The following TUT7 variants were observed in gnomAD, a reference collection of about 807,000 sequenced individuals.
The protein encoded by TUT7 is terminal uridylyl transferase 7.
Under a neutral mutation model 165.9 loss-of-function variants are expected in TUT7, and 33 were observed. That is an observed-to-expected ratio of 0.20 (90% CI 0.15 to 0.27). The LOEUF (loss-of-function observed/expected upper bound fraction) is 0.27. Among genes scored for constraint, TUT7 ranks in the 10% least tolerant of loss-of-function variants. TUT7 has a pLI of 1.00. For missense variants in TUT7, 1,338 were observed against 1,762.3 expected, an observed-to-expected ratio of 0.76 and a Z score of 4.31; for synonymous variants, 552 against 608.1, an observed-to-expected ratio of 0.91 and a Z score of 1.36.
chr9:86,313,865 G>GATC (rs1449142506), intron 17 of TUT7, among the ~76,000 whole-genome samples: 1 of 152,072 alleles, frequency 6.6e-6, no homozygotes, highest in East Asian at 1.9e-4. Context: ...GATACATAGT[G>GATC]ATCACATCAT....
At chr9:86,303,250 G>T (rs1827119798) in intron 24 of TUT7, 49 bp from the exon 25 acceptor site, 1 of 977,996 alleles carries the variant, frequency 1.0e-6, no homozygotes, top group Non-Finnish European at 1.5e-6. Context: ...CGTGAGATCG[G>T]AACACAAAAC....
intron 22 of TUT7, among the ~76,000 whole-genome samples, chr9:86,307,046 G>A (rs532590845): frequency 1.3e-5 from 2 of 152,106 alleles, no homozygotes; most frequent in African/African-American, 4.8e-5. Context: ...GAAGTGGGCC[G>A]GATCACCTGA....
intron 26 of TUT7, among the ~76,000 whole-genome samples, chr9:86,294,573 T>C (rs1450496679): frequency 1.9e-5 from 2 of 105,034 alleles, no homozygotes; most frequent in Non-Finnish European, 3.6e-5. Context: ...GGTTTTTCCA[T>C]TTTTATCAAC....
intron 10 of TUT7, among the ~76,000 whole-genome samples, chr9:86,330,340 G>A (rs902536886): frequency 5.3e-5 from 8 of 152,248 alleles, no homozygotes; most frequent in South Asian, 2.1e-4. Context: ...GATTACAGGC[G>A]TGAGCCACCA....
At position 86,311,712 on chromosome 9, in the gene TUT7, C is replaced by T. The variant is rs1184754706; in HGVS notation, c.3275-903G>A. Among the ~76,000 whole-genome samples the T allele has an allele frequency of 6.6e-6, 1 of 151,902 alleles. No individual in the cohort carries two copies. Among genetic ancestry groups the T allele is most frequent in the Middle Eastern group, 3.2e-3 (1 of 316 alleles). On this transcript the variant is annotated intron_variant, in intron 17 of 26. Transcript: ENST00000375963. This position sits in a 1 kb window ranked among gnomAD's most constrained non-coding sequence, Gnocchi z 4.4. Reference sequence around the variant, plus strand: ...CCGCTGCCATCTCGGCTCACTGCAACCTCCCTGCCTGATTCTCCTGCCTCA... The same window carrying T: ...CCGCTGCCATCTCGGCTCACTGCAATCTCCCTGCCTGATTCTCCTGCCTCA...
At chr9:86,315,982 G>C (rs1228317596) in intron 17 of TUT7, among the ~76,000 whole-genome samples, 1 of 152,050 alleles carries the variant, frequency 6.6e-6, no homozygotes, top group African/African-American at 2.4e-5. Context: ...TGTGTGTCTA[G>C]GTGTGTGTGC....
At chr9:86,349,589 C>A (rs911156924) in intron 2 of TUT7, among the ~76,000 whole-genome samples, 12 of 152,124 alleles carry the variant, frequency 7.9e-5, no homozygotes, top group Non-Finnish European at 8.8e-5. Flanking sequence ...AGCAACTCCA[C>A]CATAATTTCC....
At chr9:86,290,534 T>G (rs1825816587) in intron 26 of TUT7, among the ~76,000 whole-genome samples, 1 of 152,110 alleles carries the variant, frequency 6.6e-6, no homozygotes, top group Non-Finnish European at 1.5e-5. Context: ...TATTGTGAAC[T>G]GCACAAAGTA....
chr9:86,345,653 GTTACA>G lies in TUT7; in HGVS notation c.819+11_819+15del, dbSNP rs774892339. ...CTAACAAGTAAGCAGACTTGTTTGG[GTTACA>G]TTCAATTTACCTTAATGTTTTTCTT... On this transcript the variant is annotated intron_variant, in intron 4 of 26. Coordinates refer to ENST00000375963, the MANE Select transcript of TUT7 (RefSeq NM_024617.4). 4 of 1,566,230 alleles carry G rather than the reference GTTACA, an allele frequency of 2.6e-6. No individual in the cohort carries two copies. Among genetic ancestry groups the G allele is most frequent in the Non-Finnish European group, 3.5e-6 (4 of 1,138,296 alleles).
chr9:86,306,763 C>T (rs568518311), intron 22 of TUT7, among the ~76,000 whole-genome samples: 4 of 152,260 alleles, frequency 2.6e-5, no homozygotes, highest in African/African-American at 9.6e-5. Flanking sequence ...CGCACCATTA[C>T]ACTCCAGCCT....
At chr9:86,323,983 A>G in intron 12 of TUT7, 23 bp from the exon 13 acceptor site, 1 of 1,497,058 alleles carries the variant, frequency 6.7e-7, no homozygotes, top group Non-Finnish European at 8.9e-7. Context: ...AAAGAAAGAA[A>G]GAAAAATCCA....
chr9:86,343,003 T>C (rs1055819244), intron 6 of TUT7, 72 bp downstream of exon 6: 23 of 999,382 alleles, frequency 2.3e-5, no homozygotes, highest in Non-Finnish European at 2.9e-5. Flanking sequence ...AATATATTCA[T>C]AGACAGTTTA....
At chr9:86,307,274 G>GAA (rs1003710372) in intron 22 of TUT7, among the ~76,000 whole-genome samples, 1 of 135,048 alleles carries the variant, frequency 7.4e-6, no homozygotes. Context: ...ACTGTCTCAA[G>GAA]AAAAAAAAAA....
chr9:86,340,115 G>C lies in TUT7; in HGVS notation c.1139-10C>G, dbSNP rs1250477225. On this transcript the variant is annotated splice_polypyrimidine_tract_variant and intron_variant, in intron 7 of 26. Coordinates refer to ENST00000375963, the MANE Select transcript of TUT7 (RefSeq NM_024617.4). ...ACATCAATAAAGGAGTCTGAGGAAAGAAGAAGAAAAATATTAAGTTGGTTA... is the reference window on the plus strand; with the variant it reads ...ACATCAATAAAGGAGTCTGAGGAAACAAGAAGAAAAATATTAAGTTGGTTA... 6.2e-7 allele frequency: 1 copy of C among 1,610,696 alleles called. No homozygotes were observed. The highest frequency in any genetic ancestry group is 1.3e-5 in the African/African-American group (1 of 74,936).
At position 86,310,746 on chromosome 9, in the gene TUT7, C is replaced by T; in HGVS notation, c.3338G>A (p.Arg1113Lys). The T allele has an allele frequency of 6.2e-7, 1 of 1,613,310 alleles. No homozygotes were observed. Residue 1113 changes from arginine to lysine, a missense_variant, in exon 18 of 27, where the codon AGA becomes AAA. By Grantham distance (26) the Arg-to-Lys change is conservative. Transcript: ENST00000375963. ...ACTGATATCTACTTCCAGACCACTT[C>T]TCAAATGGAAGAACTTCACAATTGG... ...KVPIVKFFHLRSGLEVDISLY... is the reference protein window; with the variant it reads ...KVPIVKFFHLKSGLEVDISLY...
At chr9:86,303,396 C>A (rs1827132824) in intron 24 of TUT7, among the ~76,000 whole-genome samples, 195 bp from the exon 25 acceptor site, 1 of 152,162 alleles carries the variant, frequency 6.6e-6, no homozygotes, top group African/African-American at 2.4e-5. Flanking sequence ...TTAACTAAAT[C>A]CATTTTTGTT....
Position 86,317,284 on chromosome 9 carries a change from A to G in TUT7, c.3217-8T>C. On this transcript the variant is annotated splice_polypyrimidine_tract_variant and splice_region_variant and intron_variant, in intron 16 of 26. Coordinates refer to ENST00000375963, the MANE Select transcript of TUT7 (RefSeq NM_024617.4). ...TCTGACACAGTCCAATCCCTACAACAAAGAAGGCATAAAGAACTTAACCAA... is the reference window on the plus strand; with the variant it reads ...TCTGACACAGTCCAATCCCTACAACGAAGAAGGCATAAAGAACTTAACCAA... 6.2e-7 allele frequency: 1 copy of G among 1,612,444 alleles called. No individual in the cohort carries two copies. The highest frequency in any genetic ancestry group is 8.5e-7 in the Non-Finnish European group (1 of 1,179,302).
chr9:86,309,626 C>G, intron 19 of TUT7, 50 bp from the exon 20 acceptor site: 1 of 1,409,674 alleles, frequency 7.1e-7, no homozygotes, highest in South Asian at 1.2e-5. Flanking sequence ...TTTCTGCTAA[C>G]TTTGCATCCA....
intron 26 of TUT7, among the ~76,000 whole-genome samples, chr9:86,289,089 G>C (rs1286716662): frequency 6.6e-6 from 1 of 152,118 alleles, no homozygotes; most frequent in Non-Finnish European, 1.5e-5. Context: ...AAACATAATA[G>C]ATTGCAAAGA....
Sources: gnomAD v4.1 joint callset for allele counts (sites outside exome capture counted in the v4.1 genomes callset) on GRCh38, gnomAD v4.1.1 for gene constraint, Gnocchi (gnomAD v3.1) non-coding constraint, MANE v1.5 for transcripts, NCBI Gene and HGNC (gene_info 2026-07-23, HGNC 2026-07-21) for gene names.